MGAT4C: variants seen among roughly 807,000 people sequenced by gnomAD.
MGAT4C encodes the protein alpha-1,3-mannosyl-glycoprotein 4-beta-N-acetylglucosaminyltransferase C.
MGAT4C carries 19 observed loss-of-function variants against 40.1 expected under a neutral mutation model. The ratio of observed to expected loss-of-function variants is 0.47; its 90% CI spans 0.33 to 0.70. The LOEUF (loss-of-function observed/expected upper bound fraction) is 0.70. MGAT4C is among the 30% of genes least tolerant of loss of function. The pLI, the probability that MGAT4C is intolerant of heterozygous loss-of-function variation, is 0.02. For missense variants in MGAT4C, 491 were observed against 563.2 expected (o/e 0.87, Z 1.30); for synonymous variants, 181 against 187.1 (o/e 0.97, Z 0.27).
At chr12:86,396,141 T>C (rs1956257687) in intron 3 of MGAT4C, among the ~76,000 whole-genome samples, 1 of 152,130 alleles carries the variant, frequency 6.6e-6, no homozygotes, top group East Asian at 1.9e-4. Flanking sequence ...GTTTAAACTT[T>C]TATGTTCAAC....
intron 2 of MGAT4C, among the ~76,000 whole-genome samples, chr12:86,521,123 CT>C (rs1958787421): frequency 6.6e-6 from 1 of 151,988 alleles, no homozygotes; most frequent in African/African-American, 2.4e-5. Flanking sequence ...TTTTTGGCAA[CT>C]TTGTCATAAA....
chr12:86,512,983 G>C (rs748224417), intron 2 of MGAT4C, among the ~76,000 whole-genome samples: 1 of 151,892 alleles, frequency 6.6e-6, no homozygotes, highest in Non-Finnish European at 1.5e-5. Flanking sequence ...TAGCTGACTG[G>C]GAATGGTAAA....
chr12:86,299,470 A>G (rs1953760220), intron 4 of MGAT4C, among the ~76,000 whole-genome samples: 1 of 152,174 alleles, frequency 6.6e-6, no homozygotes, highest in African/African-American at 2.4e-5. Flanking sequence ...TGGTAAATAA[A>G]TATGTCAATG....
At chr12:86,806,756 G>GA (rs1176409642) in intron 1 of MGAT4C, among the ~76,000 whole-genome samples, 2 of 151,490 alleles carry the variant, frequency 1.3e-5, no homozygotes, top group African/African-American at 2.4e-5. Flanking sequence ...TGTCACAAGG[G>GA]AAAAAAACCA....
rs141237940 is a variant in MGAT4C, at chr12:86,416,517, C to T, written c.-120+18640G>A. On this transcript the variant is annotated intron_variant, in intron 3 of 7. Coordinates refer to the MGAT4C transcript ENST00000548651. ...TGACACTACACCTGGATATTGGCAGCAATCTTATTAGTTTCAAAAATGTTT... is the reference window on the plus strand; with the variant it reads ...TGACACTACACCTGGATATTGGCAGTAATCTTATTAGTTTCAAAAATGTTT... 3.3e-3 allele frequency among the ~76,000 whole-genome samples: 500 copies of T among 152,120 alleles called. 3 individuals carry two copies. Among genetic ancestry groups the T allele is most frequent in the African/African-American group, 0.012 (478 of 41,526 alleles).
intron 2 of MGAT4C, among the ~76,000 whole-genome samples, chr12:86,454,210 CAT>C (rs1957472459): frequency 6.6e-6 from 1 of 152,054 alleles, no homozygotes; most frequent in South Asian, 2.1e-4. Context: ...ATTGATATGT[CAT>C]AATTTATATG....
intron 1 of MGAT4C, among the ~76,000 whole-genome samples, chr12:86,130,909 CCAT>C (rs1881078275): frequency 6.6e-6 from 1 of 151,968 alleles, no homozygotes; most frequent in African/African-American, 2.4e-5. Context: ...ACCACCATCA[CCAT>C]CATATCTCTA....
intron 2 of MGAT4C, among the ~76,000 whole-genome samples, chr12:86,025,481 T>C (rs1890161363): frequency 6.6e-6 from 1 of 151,746 alleles, no homozygotes. Flanking sequence ...ATTCAATAAC[T>C]AAAGATGTCA....
intron 2 of MGAT4C, among the ~76,000 whole-genome samples, chr12:86,461,236 CTTTTTTTTTTT>C (rs1182920834): frequency 7.5e-6 from 1 of 132,676 alleles, no homozygotes; most frequent in Non-Finnish European, 1.6e-5. Flanking sequence ...TACACATCTT[CTTTTTTTTTTT>C]TTTTTTTTTG....
chr12:86,665,559 A>G (rs1049808323), intron 2 of MGAT4C, among the ~76,000 whole-genome samples: 1 of 151,890 alleles, frequency 6.6e-6, no homozygotes, highest in Non-Finnish European at 1.5e-5. Flanking sequence ...TTGTATTTTT[A>G]GTAGAGATGG....
chr12:86,088,641 C>G (rs1872341382), intron 1 of MGAT4C, among the ~76,000 whole-genome samples: 1 of 151,888 alleles, frequency 6.6e-6, no homozygotes, highest in South Asian at 2.1e-4. Flanking sequence ...CTCAACATCC[C>G]TAAACATTAG....
intron 2 of MGAT4C, among the ~76,000 whole-genome samples, chr12:85,989,826 T>A (rs1250881668): frequency 2.6e-5 from 4 of 151,996 alleles, no homozygotes; most frequent in Non-Finnish European, 4.4e-5. Flanking sequence ...GTCATAATAA[T>A]GTAAATAAAA....
At chr12:86,008,717 T>G (rs1370373719) in intron 2 of MGAT4C, among the ~76,000 whole-genome samples, 2 of 152,100 alleles carry the variant, frequency 1.3e-5, no homozygotes, top group Non-Finnish European at 2.9e-5. Flanking sequence ...TATTTCAATG[T>G]AAGGTATGAA....
rs139007033 is a variant in MGAT4C, at chr12:85,982,229, G to C, written c.295+1294C>G. Among the ~76,000 whole-genome samples, 1,115 of 152,148 alleles carry C rather than the reference G, an allele frequency of 7.3e-3. 9 individuals are homozygous for C. Among genetic ancestry groups the C allele is most frequent in the Non-Finnish European group, 0.011 (752 of 68,006 alleles). On this transcript the variant is annotated intron_variant, in intron 4 of 4. Coordinates refer to ENST00000611864, the MANE Select transcript of MGAT4C (RefSeq NM_001351288.2). The stretch of plus-strand genomic sequence containing the variant: ...GAGTCTTGCTCTGTTGCCCAGGCTG[G>C]AATGCAGTGGTGCGAACTCAGCTCA...
At chr12:86,140,733 GTGT>G (rs1217784415) in intron 1 of MGAT4C, among the ~76,000 whole-genome samples, 3 of 152,060 alleles carry the variant, frequency 2.0e-5, no homozygotes, top group African/African-American at 7.2e-5. Context: ...TTCTTGTTCT[GTGT>G]TGTTCACAAA....
intron 1 of MGAT4C, among the ~76,000 whole-genome samples, chr12:86,153,221 C>A (rs1884513672): frequency 1.3e-5 from 2 of 152,164 alleles, no homozygotes; most frequent in African/African-American, 4.8e-5. Flanking sequence ...CTCTAATTCT[C>A]CTACTCCTGG....
At chr12:86,818,630 T>C (rs534139258) in intron 1 of MGAT4C, among the ~76,000 whole-genome samples, 1 of 151,130 alleles carries the variant, frequency 6.6e-6, no homozygotes, top group Non-Finnish European at 1.5e-5. Context: ...TAAATCCACA[T>C]GTATACATTC....
Position 86,144,704 on chromosome 12 carries a change from T to A in MGAT4C, c.-56-94981A>T, listed in dbSNP as rs574701396. Among the ~76,000 whole-genome samples the A allele has an allele frequency of 4.6e-5, 7 of 152,330 alleles. No homozygotes were observed. In the South Asian group the frequency reaches 1.4e-3, roughly 32 times the overall value. On this transcript the variant is annotated intron_variant, in intron 1 of 4. Coordinates refer to ENST00000611864, the MANE Select transcript of MGAT4C (RefSeq NM_001351288.2). Reference sequence around the variant, plus strand: ...TTGTACGTTATAGGCTAAAGTAGCATAATTATCATTATAGTAAGGTTTTAC... The same window carrying A: ...TTGTACGTTATAGGCTAAAGTAGCAAAATTATCATTATAGTAAGGTTTTAC...
chr12:86,463,396 C>A lies in MGAT4C; in HGVS notation c.-228-28131G>T, dbSNP rs796235797. Among the ~76,000 whole-genome samples the A allele has an allele frequency of 2.6e-5, 4 of 152,234 alleles. 1 individual carries two copies. The highest frequency in any genetic ancestry group is 7.2e-5 in the African/African-American group (3 of 41,538). On this transcript the variant is annotated intron_variant, in intron 2 of 7. Coordinates refer to the MGAT4C transcript ENST00000548651. ...TCTTTGAACAAATTCTTGCAAGGCC[C>A]AAATTCTATTAAATTTTCTATAGTT...
Sources: allele counts gnomAD v4.1 joint callset (sites outside exome capture counted in the v4.1 genomes callset), GRCh38; gene constraint gnomAD v4.1.1; transcripts MANE v1.5; gene names NCBI Gene and HGNC (gene_info 2026-07-23, HGNC 2026-07-21).